LRMDA: variants seen among roughly 807,000 people sequenced by gnomAD.
LRMDA encodes leucine-rich melanocyte differentiation-associated protein.
In LRMDA, 18 loss-of-function variants were observed where a neutral mutation model predicts 29.8. That is an observed-to-expected ratio of 0.60 (90% CI 0.42 to 0.90). The LOEUF (loss-of-function observed/expected upper bound fraction) is 0.90, where lower values mean the gene tolerates loss of function less well. Ranked by LOEUF, LRMDA falls within the 40% of genes least tolerant of loss-of-function variation. LRMDA has a pLI of 0.00. For missense variants in LRMDA, 273 were observed against 273.9 expected (o/e 1.00, Z 0.02); for synonymous variants, 125 against 109.4 (o/e 1.14, Z -0.89).
At chr10:75,437,193 G>T (rs1034860698) in intron 1 of LRMDA, among the ~76,000 whole-genome samples, 1 of 152,156 alleles carries the variant, frequency 6.6e-6, no homozygotes, top group African/African-American at 2.4e-5. Flanking sequence ...GTATTAGGTT[G>T]CACCATGTAA....
intron 2 of LRMDA, among the ~76,000 whole-genome samples, chr10:75,540,752 A>G (rs1026458963): frequency 6.6e-6 from 1 of 152,284 alleles, no homozygotes; most frequent in South Asian, 2.1e-4. Context: ...TGTCTTCCCA[A>G]CTGTAAGCAG....
chr10:76,074,461 A>T (rs1261971221), intron 5 of LRMDA, among the ~76,000 whole-genome samples: 2 of 152,162 alleles, frequency 1.3e-5, no homozygotes, highest in Admixed American at 6.5e-5. Flanking sequence ...AAAGGGGGAT[A>T]TTTGAGCTGA....
intron 2 of LRMDA, among the ~76,000 whole-genome samples, chr10:75,921,831 T>C (rs768457589): frequency 6.6e-6 from 1 of 152,200 alleles, no homozygotes; most frequent in Non-Finnish European, 1.5e-5. Context: ...CATATTTACA[T>C]ATCCCCTTCC....
At chr10:76,410,666 G>C (rs1841950889) in intron 6 of LRMDA, among the ~76,000 whole-genome samples, 1 of 151,738 alleles carries the variant, frequency 6.6e-6, no homozygotes, top group Admixed American at 6.6e-5. Context: ...TTATTACAAA[G>C]ATCATTCTGG....
chr10:75,616,411 A>G (rs1003146554), intron 2 of LRMDA, among the ~76,000 whole-genome samples: 1 of 152,232 alleles, frequency 6.6e-6, no homozygotes, highest in Non-Finnish European at 1.5e-5. Flanking sequence ...AAACCATATC[A>G]ACAGGAAAAG....
intron 2 of LRMDA, among the ~76,000 whole-genome samples, chr10:75,567,238 A>T (rs1055624016): frequency 6.6e-6 from 1 of 152,190 alleles, no homozygotes; most frequent in Non-Finnish European, 1.5e-5. Context: ...TGATCGGTTC[A>T]GCACAGGCAT....
intron 2 of LRMDA, among the ~76,000 whole-genome samples, chr10:75,981,774 C>T (rs36057620): frequency 9.3e-4 from 139 of 149,010 alleles, no homozygotes; most frequent in Non-Finnish European, 1.0e-3. Flanking sequence ...ATCACTCGAA[C>T]GTGGGAAGTG....
chr10:76,046,584 A>C (rs1038825572), intron 3 of LRMDA, among the ~76,000 whole-genome samples: 5 of 152,182 alleles, frequency 3.3e-5, no homozygotes, highest in African/African-American at 1.2e-4. Flanking sequence ...TCCCAGGTTC[A>C]AGCGATTCTC....
intron 2 of LRMDA, among the ~76,000 whole-genome samples, chr10:75,829,455 ACT>A (rs1844302519): frequency 6.6e-6 from 1 of 152,158 alleles, no homozygotes; most frequent in Non-Finnish European, 1.5e-5. Context: ...TTTAAAAATC[ACT>A]TTTTGGAAAG....
At chr10:75,886,140 A>T (rs1343405022) in intron 2 of LRMDA, among the ~76,000 whole-genome samples, 1 of 152,234 alleles carries the variant, frequency 6.6e-6, no homozygotes, top group Non-Finnish European at 1.5e-5. Context: ...GACAACCAGC[A>T]GCCCCATCTT....
chr10:76,055,371 A>G (rs186873504), intron 4 of LRMDA, among the ~76,000 whole-genome samples: 1 of 152,344 alleles, frequency 6.6e-6, no homozygotes, highest in Admixed American at 6.5e-5. Context: ...AGACCTCTAA[A>G]CTATTCTCTC....
At chr10:76,132,498 C>G (rs1049283104) in intron 5 of LRMDA, among the ~76,000 whole-genome samples, 1 of 152,136 alleles carries the variant, frequency 6.6e-6, no homozygotes, top group Non-Finnish European at 1.5e-5. Context: ...AGATGATGTT[C>G]AGGGTCACAT....
chr10:75,821,261 C>T (rs1844152615), intron 2 of LRMDA, among the ~76,000 whole-genome samples: 1 of 152,118 alleles, frequency 6.6e-6, no homozygotes, highest in Admixed American at 6.5e-5. Flanking sequence ...TGCAAAAATC[C>T]TCAACAGAAC....
At chr10:76,433,772 C>G (rs930462421) in intron 6 of LRMDA, 2 of 152,272 alleles carry the variant, frequency 1.3e-5, no homozygotes, top group African/African-American at 4.8e-5. Context: ...GGTAACCATT[C>G]TTATTTGTCA....
intron 6 of LRMDA, among the ~76,000 whole-genome samples, chr10:76,434,359 C>T (rs191501066): frequency 2.8e-4 from 42 of 151,994 alleles, no homozygotes; most frequent in African/African-American, 1.0e-3. Flanking sequence ...CTTCCTTTCT[C>T]TCCCCTCCTA....
chr10:75,708,250 C>G (rs1842393449), intron 2 of LRMDA, among the ~76,000 whole-genome samples: 1 of 152,222 alleles, frequency 6.6e-6, no homozygotes, highest in Admixed American at 6.5e-5. Flanking sequence ...GAATACCACA[C>G]TGTCAGCTTC....
chr10:76,396,223 T>C (rs972026779), intron 6 of LRMDA, among the ~76,000 whole-genome samples: 12 of 152,270 alleles, frequency 7.9e-5, no homozygotes, highest in Admixed American at 4.6e-4. Context: ...AGGGAGGCAG[T>C]GGGGGACAGA....
chr10:75,596,664 C>T (rs1840793260), intron 2 of LRMDA, among the ~76,000 whole-genome samples: 1 of 152,072 alleles, frequency 6.6e-6, no homozygotes, highest in Non-Finnish European at 1.5e-5. Context: ...TCATCTTGAA[C>T]ATTGATCATC....
At chr10:75,678,361 G>A (rs1372043788) in intron 2 of LRMDA, among the ~76,000 whole-genome samples, 1 of 152,156 alleles carries the variant, frequency 6.6e-6, no homozygotes, top group East Asian at 1.9e-4. Flanking sequence ...CTGTGCTGGG[G>A]ATTTTATACA....
Sources: allele counts gnomAD v4.1 joint callset (sites outside exome capture counted in the v4.1 genomes callset), GRCh38; gene constraint gnomAD v4.1.1; transcripts MANE v1.5; gene names NCBI Gene and HGNC (gene_info 2026-07-23, HGNC 2026-07-21).